Variants in TMC5 observed in about 807,000 individuals in gnomAD.
The protein encoded by TMC5 is transmembrane channel-like protein 5.
Under a neutral mutation model 110.5 loss-of-function variants are expected in TMC5, and 86 were observed. The ratio of observed to expected loss-of-function variants is 0.78; its 90% CI spans 0.65 to 0.93. The LOEUF (loss-of-function observed/expected upper bound fraction) is 0.93, where lower values mean the gene tolerates loss of function less well. Ranked by LOEUF, TMC5 falls within the 40% of genes least tolerant of loss-of-function variation. The pLI is 0.00. For missense variants in TMC5, 1,144 were observed against 1,222.8 expected (o/e 0.94, Z 0.96); for synonymous variants, 455 against 439.5 (o/e 1.04, Z -0.44).
chr16:19,445,734 G>A (rs1967599510), intron 4 of TMC5, among the ~76,000 whole-genome samples: 1 of 152,092 alleles, frequency 6.6e-6, no homozygotes, highest in Admixed American at 6.6e-5. Flanking sequence ...GAGGATTGAT[G>A]AGCCTTGAGG....
rs1555486909 is a variant in TMC5 at position 19,493,465 on chromosome 16, C to CTTTCTT, written c.2827-794_2827-793insCTTTTT. 4.8e-3 allele frequency among the ~76,000 whole-genome samples: 360 copies of CTTTCTT among 74,820 alleles called. 5 individuals are homozygous for CTTTCTT. The highest frequency in any genetic ancestry group is 0.012 in the African/African-American group (341 of 29,240). 49.1% of individuals were successfully genotyped at this position (74,820 alleles called of 152,430 possible). A position where few individuals can be genotyped will look rare whatever the true frequency, so the allele number is the denominator to read the frequency against. On this transcript the variant is annotated intron_variant, in intron 19 of 21. Coordinates refer to ENST00000542583, the MANE Select transcript of TMC5 (RefSeq NM_001261841.2). Reference sequence around the variant, plus strand: ...TTAATGTCTCTCTCTCTCTCTCTCTCTTTTTTTTTTTTTGAGACAGAATCT... The same window carrying CTTTCTT: ...TTAATGTCTCTCTCTCTCTCTCTCTCTTTCTTTTTTTTTTTTTTTGAGACAGAATCT...
chr16:19,431,366 C>A (rs1293645427), intron 2 of TMC5, among the ~76,000 whole-genome samples: 1 of 151,948 alleles, frequency 6.6e-6, no homozygotes, highest in Non-Finnish European at 1.5e-5. Context: ...CATACTGAAA[C>A]CCCGTCTCTA....
Position 19,419,409 on chromosome 16 carries a change from T to TTG in TMC5, c.-308+1318_-308+1319insGT, listed in dbSNP as rs1407354890. 3.3e-3 allele frequency among the ~76,000 whole-genome samples: 417 copies of TTG among 126,964 alleles called. 6 individuals carry two copies. Among genetic ancestry groups the TTG allele is most frequent in the African/African-American group, 0.012 (402 of 33,802 alleles). 83.3% of individuals were successfully genotyped at this position (126,964 alleles called of 152,430 possible). A position where few individuals can be genotyped will look rare whatever the true frequency, so the allele number is the denominator to read the frequency against. On this transcript the variant is annotated intron_variant, in intron 1 of 21. Coordinates refer to ENST00000542583, the MANE Select transcript of TMC5 (RefSeq NM_001261841.2). ...GTGGAAATGAATGTGTTGGTTTTTTTTTTTTTTTTTTTTTTTTTTTTGAGA... is the reference window on the plus strand; with the variant it reads ...GTGGAAATGAATGTGTTGGTTTTTTTTGTTTTTTTTTTTTTTTTTTTTTGAGA...
intron 8 of TMC5, among the ~76,000 whole-genome samples, chr16:19,465,851 G>T (rs920577312): frequency 8.5e-5 from 13 of 152,202 alleles, no homozygotes; most frequent in African/African-American, 3.1e-4. Flanking sequence ...CACTGGGCCA[G>T]GTGGTAACAG....
intron 14 of TMC5, among the ~76,000 whole-genome samples, chr16:19,480,109 C>T (rs906876938): frequency 1.1e-4 from 17 of 152,074 alleles, no homozygotes; most frequent in Admixed American, 2.6e-4. Context: ...TTTTCAAAAG[C>T]AAAAATGGAG....
intron 4 of TMC5, among the ~76,000 whole-genome samples, chr16:19,447,075 G>A (rs577429673): frequency 6.6e-6 from 1 of 152,200 alleles, no homozygotes; most frequent in South Asian, 2.1e-4. Flanking sequence ...ATTGCCACAG[G>A]AATGCTGCAT....
chr16:19,493,849 C>T (rs907790529), intron 19 of TMC5, among the ~76,000 whole-genome samples: 11 of 151,408 alleles, frequency 7.3e-5, no homozygotes. Flanking sequence ...GAATGCAGGT[C>T]ATCTGTTTCA....
intron 5 of TMC5, among the ~76,000 whole-genome samples, chr16:19,455,134 C>G (rs1166372399): frequency 1.3e-5 from 2 of 151,648 alleles, no homozygotes; most frequent in African/African-American, 4.8e-5. Flanking sequence ...GACCTCATCT[C>G]TAAAAAAAAA....
chr16:19,422,705 C>T (rs773293151), intron 1 of TMC5, among the ~76,000 whole-genome samples: 17 of 151,988 alleles, frequency 1.1e-4, no homozygotes, highest in Non-Finnish European at 2.4e-4. Context: ...TCACCCCTGT[C>T]ATCCCAGCAC....
chr16:19,431,124 G>T (rs1031516889), intron 2 of TMC5, among the ~76,000 whole-genome samples: 19 of 152,056 alleles, frequency 1.2e-4, no homozygotes, highest in African/African-American at 4.6e-4. Context: ...TTTAACTGTG[G>T]GTCTTAAGTA....
intron 20 of TMC5, among the ~76,000 whole-genome samples, chr16:19,495,634 T>G (rs1969033214): frequency 6.6e-6 from 1 of 152,068 alleles, no homozygotes; most frequent in Non-Finnish European, 1.5e-5. Flanking sequence ...GGAGGACTGC[T>G]TGAGGCCAGG....
Position 19,469,705 on chromosome 16 carries a change from C to T in TMC5, c.1662C>T (p.Asn554=). The change falls in exon 10 of 22, where the codon AAC becomes AAT. Residue 554 remains asparagine (N), a synonymous_variant. Coordinates refer to ENST00000542583, the MANE Select transcript of TMC5 (RefSeq NM_001261841.2). ...LFSMAKYFRN[N]FINPHIYSGG... is the part of the protein sequence containing the mutation. ...GCATGGCCAAGTATTTCCGGAACAA[C>T]TTCATTAATCCCCACATTTACTCCG... 6.2e-7 allele frequency: 1 copy of T among 1,614,120 alleles called. No homozygotes were observed. The highest frequency in any genetic ancestry group is 2.2e-5 in the East Asian group (1 of 44,876).
chr16:19,460,201 A>T (rs1967986127), intron 5 of TMC5, 34 bp from the exon 6 acceptor site: 2 of 1,542,034 alleles, frequency 1.3e-6, no homozygotes, highest in Non-Finnish European at 1.8e-6. Context: ...TGTTAAAGAA[A>T]AAAGAAATTA....
At chr16:19,484,971 A>G (rs1331363148) in intron 15 of TMC5, among the ~76,000 whole-genome samples, 1 of 151,872 alleles carries the variant, frequency 6.6e-6, no homozygotes, top group Non-Finnish European at 1.5e-5. Flanking sequence ...ACAGAAAAGG[A>G]TATATGTTAG....
intron 1 of TMC5, among the ~76,000 whole-genome samples, chr16:19,412,827 T>A (rs1472138066): frequency 6.6e-6 from 1 of 152,136 alleles, no homozygotes; most frequent in Non-Finnish European, 1.5e-5. Context: ...ACTTTTTCCT[T>A]GAACCCCTTC....
chr16:19,440,014 T>G lies in TMC5; in HGVS notation c.-25T>G, dbSNP rs1420768666. ...TGCAAATGCTGGGACAGTTTACCAC[T>G]CCAGGGTGAAGAGTCCATACCAACA... On this transcript the variant is annotated 5_prime_UTR_variant, in exon 3 of 22. Coordinates refer to ENST00000542583, the MANE Select transcript of TMC5 (RefSeq NM_001261841.2). The G allele has an allele frequency of 6.3e-7, 1 of 1,581,472 alleles. No homozygotes were observed. Among genetic ancestry groups the G allele is most frequent in the African/African-American group, 1.4e-5 (1 of 73,832 alleles).
intron 2 of TMC5, among the ~76,000 whole-genome samples, chr16:19,434,493 T>TAG (rs370261560): frequency 0.65 from 85,771 of 132,958 alleles, 28,804 homozygotes; most frequent in East Asian, 0.82. Context: ...GATAGATAGA[T>TAG]ATAGAGAGAG....
chr16:19,453,896 T>C (rs1389562441), intron 5 of TMC5, among the ~76,000 whole-genome samples: 1 of 152,222 alleles, frequency 6.6e-6, no homozygotes, highest in Non-Finnish European at 1.5e-5. Flanking sequence ...TATGAATGAA[T>C]ATTTTGAGAT....
intron 1 of TMC5, among the ~76,000 whole-genome samples, chr16:19,422,448 C>A (rs1270962531): frequency 9.9e-5 from 15 of 152,104 alleles, no homozygotes; most frequent in Non-Finnish European, 1.5e-5. Flanking sequence ...CTGGATTGCT[C>A]GAGAACCTCC....
Sources: gnomAD v4.1 joint callset for allele counts (sites outside exome capture counted in the v4.1 genomes callset) on GRCh38, gnomAD v4.1.1 for gene constraint, MANE v1.5 for transcripts, NCBI Gene and HGNC (gene_info 2026-07-23, HGNC 2026-07-21) for gene names.